BACE2: variants seen among roughly 807,000 people sequenced by gnomAD.
BACE2 encodes the protein beta-secretase 2.
In BACE2, 17 loss-of-function variants were observed where a neutral mutation model predicts 46.2. The ratio of observed to expected loss-of-function variants is 0.37; its 90% confidence interval spans 0.25 to 0.55. The LOEUF is 0.55. Among genes scored for constraint, BACE2 ranks in the 20% least tolerant of loss-of-function variants. The pLI is 0.82. For missense variants in BACE2, 595 were observed against 698.1 expected, an observed-to-expected ratio of 0.85 and a Z score of 1.66; for synonymous variants, 277 against 295.9, an observed-to-expected ratio of 0.94 and a Z score of 0.66.
At chr21:41,188,129 G>T (rs975771279) in intron 1 of BACE2, among the ~76,000 whole-genome samples, 1 of 152,116 alleles carries the variant, frequency 6.6e-6, no homozygotes, top group African/African-American at 2.4e-5. Context: ...ACCCAAATAG[G>T]AGAGAAGGCA....
At chr21:41,205,629 ATAT>A (rs1056076902) in intron 1 of BACE2, among the ~76,000 whole-genome samples, 1 of 152,188 alleles carries the variant, frequency 6.6e-6, no homozygotes, top group Non-Finnish European at 1.5e-5. Context: ...GCCTTGAAAA[ATAT>A]TATAATAAAC....
At chr21:41,197,176 G>T (rs1000089000) in intron 1 of BACE2, among the ~76,000 whole-genome samples, 2 of 151,834 alleles carry the variant, frequency 1.3e-5, no homozygotes, top group East Asian at 3.9e-4. Flanking sequence ...GCCCAGGCTG[G>T]TCTCAAACTT....
At chr21:41,198,799 A>G (rs556246037) in intron 1 of BACE2, among the ~76,000 whole-genome samples, 5 of 152,140 alleles carry the variant, frequency 3.3e-5, no homozygotes, top group South Asian at 2.1e-4. Context: ...CCGAATAACC[A>G]TCACCCTTCT....
chr21:41,168,410 CG>C lies in BACE2; in HGVS notation c.150del (p.Thr51ProfsTer31). On this transcript the variant is annotated frameshift_variant, in exon 1 of 9. Coordinates refer to ENST00000330333, the MANE Select transcript of BACE2 (RefSeq NM_012105.5). LOFTEE classifies it high-confidence loss of function. Reference protein sequence around the residue: ...NRVVAPTPGPGTPAERHADGL... With the variant: ...NRVVAPTPGPXTPAERHADGL... ...GCGTAGTTGCGCCCACCCCGGGACC[CG>C]GGACCCCTGCCGAGCGCCACGCCGA... The C allele has an allele frequency of 1.4e-6, 2 of 1,414,848 alleles. No homozygotes were observed. Among genetic ancestry groups the C allele is most frequent in the South Asian group, 3.1e-5 (2 of 65,204 alleles). The allele number at this position is 1,414,848 out of a possible 1,614,324, so 87.6% of individuals were successfully genotyped here. A position where few individuals can be genotyped will look rare whatever the true frequency, so the allele number is the denominator to read the frequency against.
intron 1 of BACE2, among the ~76,000 whole-genome samples, chr21:41,203,744 G>C (rs545198091): frequency 6.6e-6 from 1 of 152,246 alleles, no homozygotes; most frequent in East Asian, 1.9e-4. Flanking sequence ...CCAAAACTTA[G>C]AGGTGGGGAA....
At chr21:41,179,760 T>TG in intron 1 of BACE2, 1 of 856,654 alleles carries the variant, frequency 1.2e-6, no homozygotes, top group South Asian at 1.6e-5. Flanking sequence ...TGGTGTGGGG[T>TG]GGGGTGGAGA....
Position 41,275,962 on chromosome 21 carries a change from C to T in BACE2, c.*338C>T. On this transcript the variant is annotated 3_prime_UTR_variant, in exon 9 of 9. Transcript: ENST00000330333. ...ACCAAGCCTTGGCTCGTTCTCTTCT[C>T]TCTTCAATCTCTGGAAAAATAAGTA... 1 of 264,832 alleles carries T rather than the reference C, an allele frequency of 3.8e-6. No individual in the cohort carries two copies. Among genetic ancestry groups the T allele is most frequent in the Non-Finnish European group, 7.3e-6 (1 of 137,866 alleles). The allele number at this position is 264,832 out of a possible 1,614,324, so 16.4% of individuals were successfully genotyped here.
intron 1 of BACE2, among the ~76,000 whole-genome samples, chr21:41,195,488 C>T (rs1257506642): frequency 6.6e-6 from 1 of 152,212 alleles, no homozygotes; most frequent in African/African-American, 2.4e-5. Flanking sequence ...AACTTCCCGT[C>T]CCTTACACCT....
chr21:41,215,589 C>T lies in BACE2; in HGVS notation c.313-10677C>T, dbSNP rs367909700. Among the ~76,000 whole-genome samples the T allele has an allele frequency of 7.4e-4, 113 of 152,280 alleles. 3 individuals carry two copies. The South Asian group carries it at 0.017, about 23-fold the overall frequency. On this transcript the variant is annotated intron_variant, in intron 1 of 8. Transcript: ENST00000330333. ...CTCCATCCAGCTTCTGCTGGAAAAC[C>T]GGTTTTTGTTAGTTGTGATTGTGTT...
intron 1 of BACE2, among the ~76,000 whole-genome samples, chr21:41,190,953 G>C (rs1985550404): frequency 6.6e-6 from 1 of 152,110 alleles, no homozygotes; most frequent in Non-Finnish European, 1.5e-5. Flanking sequence ...TTGTTGTTGT[G>C]TCTCCTGGTG....
chr21:41,229,786 A>G (rs1182332915), intron 2 of BACE2, among the ~76,000 whole-genome samples: 5 of 152,132 alleles, frequency 3.3e-5, no homozygotes, highest in Non-Finnish European at 7.3e-5. Context: ...CCTGTTTTCC[A>G]TCCTTTGGGC....
chr21:41,250,069 T>C (rs1221780651), intron 6 of BACE2, among the ~76,000 whole-genome samples: 3 of 152,158 alleles, frequency 2.0e-5, no homozygotes, highest in African/African-American at 7.2e-5. Flanking sequence ...CTGAGAAGAC[T>C]TGGATTCTAG....
chr21:41,175,043 G>T (rs1439360371), intron 1 of BACE2, among the ~76,000 whole-genome samples: 2 of 151,868 alleles, frequency 1.3e-5, no homozygotes, highest in Non-Finnish European at 2.9e-5. Flanking sequence ...ATCCTCTCTT[G>T]GCCTAGATGT....
At chr21:41,258,981 T>G (rs565869651) in intron 8 of BACE2, among the ~76,000 whole-genome samples, 43 of 152,344 alleles carry the variant, frequency 2.8e-4, no homozygotes, top group Admixed American at 2.4e-3. Flanking sequence ...GTTTTACTTC[T>G]TTTTAACCAA....
At chr21:41,265,342 T>A (rs1244193403) in intron 8 of BACE2, among the ~76,000 whole-genome samples, 1 of 152,234 alleles carries the variant, frequency 6.6e-6, no homozygotes, top group Non-Finnish European at 1.5e-5. Flanking sequence ...AGTATACATC[T>A]AGGTTAAATT....
intron 7 of BACE2, chr21:41,252,499 A>C (rs1021333535): frequency 9.2e-5 from 14 of 152,230 alleles, no homozygotes; most frequent in Non-Finnish European, 1.8e-4. Flanking sequence ...TGGTCTGCTC[A>C]TCTGGCATGG....
At chr21:41,218,638 C>G (rs1016338585) in intron 1 of BACE2, among the ~76,000 whole-genome samples, 23 of 152,166 alleles carry the variant, frequency 1.5e-4, no homozygotes, top group African/African-American at 5.6e-4. Context: ...TGGTGGGACT[C>G]AGATTCCTGG....
intron 1 of BACE2, among the ~76,000 whole-genome samples, chr21:41,225,212 C>T (rs1485696608): frequency 1.4e-5 from 2 of 146,664 alleles, no homozygotes; most frequent in South Asian, 4.3e-4. Context: ...CCAGCCTGAA[C>T]GATAGAGCGA....
Position 41,257,271 on chromosome 21 carries a change from C to T in BACE2, c.1248C>T (p.Tyr416=), listed in dbSNP as rs375957436. The part of the protein sequence containing the change: ...VIGATVMEGF[Y]VIFDRAQKRV... ...GTGCCACGGTGATGGAGGGCTTCTA[C>T]GTCATCTTCGACAGAGCCCAGAAGA... is the stretch of plus-strand genomic sequence containing the variant. The change falls in exon 8 of 9, where the codon TAC becomes TAT. Residue 416 remains tyrosine, a synonymous_variant. Coordinates refer to ENST00000330333, the MANE Select transcript of BACE2 (RefSeq NM_012105.5). The T allele has an allele frequency of 2.1e-5, 34 of 1,614,068 alleles. No individual in the cohort carries two copies. The highest frequency in any genetic ancestry group is 2.9e-5 in the Non-Finnish European group (34 of 1,180,032).
Sources: gnomAD v4.1 joint callset for allele counts (sites outside exome capture counted in the v4.1 genomes callset) on GRCh38, gnomAD v4.1.1 for gene constraint, MANE v1.5 for transcripts, NCBI Gene and HGNC (gene_info 2026-07-23, HGNC 2026-07-21) for gene names.